The following DSE variants were observed in gnomAD, a reference collection of about 807,000 sequenced individuals.
DSE encodes dermatan sulfate epimerase.
A neutral mutation model predicts 84.4 loss-of-function variants in DSE; 36 were observed. The observed-to-expected ratio is 0.43, with a 90% confidence interval of 0.33 to 0.56. DSE has a LOEUF of 0.56. Ranked by LOEUF, DSE falls within the 20% of genes least tolerant of loss-of-function variation. DSE has a pLI of 0.06. For missense variants in DSE, 862 were observed against 1,169.6 expected (o/e 0.74, Z 3.84); for synonymous variants, 410 against 430.1 (o/e 0.95, Z 0.58).
intron 2 of DSE, among the ~76,000 whole-genome samples, chr6:116,286,662 T>C (rs112113822): frequency 3.2e-4 from 49 of 152,296 alleles, no homozygotes; most frequent in African/African-American, 1.2e-3. Flanking sequence ...TCTATTTTGA[T>C]ATGTAAGGAC....
chr6:116,381,366 G>A (rs951576334), intron 1 of DSE, among the ~76,000 whole-genome samples: 1 of 152,158 alleles, frequency 6.6e-6, no homozygotes, highest in Non-Finnish European at 1.5e-5. Context: ...ATAGGCCAGA[G>A]CTAGATTATG....
At chr6:116,397,819 CA>C (rs1781356431) in intron 1 of DSE, among the ~76,000 whole-genome samples, 1 of 152,042 alleles carries the variant, frequency 6.6e-6, no homozygotes, top group Non-Finnish European at 1.5e-5. Flanking sequence ...AAATGTTTTA[CA>C]AAACCAAAAC....
At chr6:116,258,472 A>C in exon 2 of DSE, 1 of 974,808 alleles carries the variant, frequency 1.0e-6, no homozygotes, top group East Asian at 2.4e-5. Context: ...AGACAGGTTT[A>C]TTGGGCAACA....
chr6:116,411,075 T>G (rs1293115986), intron 2 of DSE, among the ~76,000 whole-genome samples: 1 of 152,146 alleles, frequency 6.6e-6, no homozygotes, highest in Non-Finnish European at 1.5e-5. Context: ...CAAGAGGAGA[T>G]ATCCAATTTA....
chr6:116,437,416 C>A lies in DSE; in HGVS notation c.*71C>A. 2 of 1,350,470 alleles carry A rather than the reference C, an allele frequency of 1.5e-6. No homozygotes were observed. Among genetic ancestry groups the A allele is most frequent in the Non-Finnish European group, 2.0e-6 (2 of 1,017,824 alleles). 83.7% of individuals were successfully genotyped at this position (1,350,470 alleles called of 1,614,324 possible). A position where few individuals can be genotyped will look rare whatever the true frequency, so the allele number is the denominator to read the frequency against. On this transcript the variant is annotated 3_prime_UTR_variant, in exon 6 of 6. Transcript: ENST00000644252. Reference sequence around the variant, plus strand: ...TATGCAAAAAAAAAAATTTCTTTACCCCAGATTATCAGATTTTTTTCCCTC... The same window carrying A: ...TATGCAAAAAAAAAAATTTCTTTACACCAGATTATCAGATTTTTTTCCCTC...
chr6:116,370,585 C>T (rs1469232847), upstream of DSE: 5 of 891,568 alleles, frequency 5.6e-6, no homozygotes, highest in Non-Finnish European at 6.7e-6. Flanking sequence ...CAAAAGTTAC[C>T]TTTCCTTTGG....
chr6:116,316,874 A>T (rs1388398772), intron 2 of DSE, among the ~76,000 whole-genome samples: 1 of 139,540 alleles, frequency 7.2e-6, no homozygotes, highest in African/African-American at 3.0e-5. Flanking sequence ...ACTACTTTTA[A>T]TGTGCTGTGC....
chr6:116,383,087 T>C (rs1221171527), intron 1 of DSE, among the ~76,000 whole-genome samples: 1 of 152,132 alleles, frequency 6.6e-6, no homozygotes, highest in African/African-American at 2.4e-5. Context: ...AGACAAGTTG[T>C]TATTGAAAGA....
At chr6:116,256,840 T>C (rs1582898555) in intron 1 of DSE, 1 of 152,318 alleles carries the variant, frequency 6.6e-6, no homozygotes, top group Non-Finnish European at 1.5e-5. Flanking sequence ...TAGAATAATA[T>C]ATATTTTGTA....
intron 1 of DSE, among the ~76,000 whole-genome samples, chr6:116,382,026 C>T (rs968665546): frequency 8.0e-6 from 1 of 125,674 alleles, no homozygotes; most frequent in African/African-American, 3.0e-5. Context: ...TTTTCATCTT[C>T]ACATGGCATT....
At chr6:116,342,669 T>A (rs1777682345) in intron 2 of DSE, among the ~76,000 whole-genome samples, 1 of 152,216 alleles carries the variant, frequency 6.6e-6, no homozygotes, top group Admixed American at 6.5e-5. Flanking sequence ...TCTGCTCAGT[T>A]AAAATATATA....
At chr6:116,425,675 T>A (rs1020858357) in intron 2 of DSE, among the ~76,000 whole-genome samples, 1 of 148,694 alleles carries the variant, frequency 6.7e-6, no homozygotes, top group Non-Finnish European at 1.5e-5. Context: ...CAGGTTGGAG[T>A]GCAGTGGCGC....
chr6:116,353,554 A>G (rs571360573), intron 2 of DSE, among the ~76,000 whole-genome samples: 1 of 152,334 alleles, frequency 6.6e-6, no homozygotes, highest in East Asian at 1.9e-4. Context: ...ACTTCCTAGC[A>G]TTGTGTCCAA....
chr6:116,417,738 T>C (rs1782806714), intron 2 of DSE, among the ~76,000 whole-genome samples: 1 of 152,200 alleles, frequency 6.6e-6, no homozygotes, highest in Non-Finnish European at 1.5e-5. Context: ...GTTCCCATTC[T>C]GTCATACCGT....
intron 1 of DSE, among the ~76,000 whole-genome samples, chr6:116,390,087 A>T (rs74513592): frequency 0.019 from 2,830 of 148,538 alleles, 86 homozygotes; most frequent in African/African-American, 0.066. Flanking sequence ...TTATTTTATT[A>T]TTTTTTTTTT....
At position 116,426,820 on chromosome 6, in the gene DSE, G is replaced by C. The variant is rs1367313018; in HGVS notation, c.663G>C (p.Met221Ile). 3 of 1,610,046 alleles carry C rather than the reference G, an allele frequency of 1.9e-6. No homozygotes were observed. The African/African-American group carries it at 4.0e-5, about 21-fold the overall frequency. Residue 221 changes from methionine to isoleucine, a missense_variant, in exon 3 of 6, where the codon ATG becomes ATC. By Grantham distance (10) the Met-to-Ile change is conservative (BLOSUM62 1). Transcript: ENST00000644252. ...MALLTGSLVL[M>I]NQGYLQEAYL... ...TGCTCACGGGAAGCCTAGTCCTGATGAATCAAGGTGGGTGTGGACACAGCC... is the reference window on the plus strand; with the variant it reads ...TGCTCACGGGAAGCCTAGTCCTGATCAATCAAGGTGGGTGTGGACACAGCC...
chr6:116,393,552 G>C (rs1403677222), intron 1 of DSE, among the ~76,000 whole-genome samples: 1 of 152,148 alleles, frequency 6.6e-6, no homozygotes, highest in African/African-American at 2.4e-5. Context: ...TCTATGCTAA[G>C]TGCATCACAC....
At chr6:116,256,213 T>TTAA (rs1227385507) in intron 1 of DSE, 3 of 152,224 alleles carry the variant, frequency 2.0e-5, no homozygotes, top group African/African-American at 7.2e-5. Flanking sequence ...CCCTTATGAC[T>TTAA]TTTACTATCC....
In DSE at chr6:116,426,613, T is replaced by C. The variant is rs1419954994; in HGVS notation, c.456T>C (p.Ala152=). The change falls in exon 3 of 6, where the codon GCT becomes GCC. Residue 152 remains alanine, a synonymous_variant. Coordinates refer to ENST00000644252, the MANE Select transcript of DSE (RefSeq NM_013352.4). ...CTCCTTGGGATGAGGTCCCGCTTGC[T>C]CACTCCCTGGTTGGTTTTGCCACTG... ...KDAPWDEVPL[A]HSLVGFATAY... 2.6e-5 allele frequency: 42 copies of C among 1,614,008 alleles called. No homozygotes were observed. Among genetic ancestry groups the C allele is most frequent in the Non-Finnish European group, 3.4e-5 (40 of 1,179,870 alleles).
Sources: gnomAD v4.1 joint callset for allele counts (sites outside exome capture counted in the v4.1 genomes callset) on GRCh38, gnomAD v4.1.1 for gene constraint, MANE v1.5 for transcripts, NCBI Gene and HGNC (gene_info 2026-07-23, HGNC 2026-07-21) for gene names.